TLR10: variants seen among roughly 807,000 people sequenced by gnomAD.
TLR10 encodes the protein toll-like receptor 10.
For missense variants in TLR10, 929 were observed against 932.9 expected, an observed-to-expected ratio of 1.00 and a Z score of 0.05; for synonymous variants, 288 against 338.8, an observed-to-expected ratio of 0.85 and a Z score of 1.65.
At chr4:38,776,883 G>C (rs992999426) in intron 1 of TLR10, among the ~76,000 whole-genome samples, 26 of 152,174 alleles carry the variant, frequency 1.7e-4, no homozygotes, top group African/African-American at 6.0e-4. Flanking sequence ...AATCATGGTG[G>C]AAGGCGAATG....
chr4:38,781,525 G>A (rs1272345189), intron 1 of TLR10, among the ~76,000 whole-genome samples: 2 of 151,964 alleles, frequency 1.3e-5, no homozygotes, highest in Non-Finnish European at 2.9e-5. Flanking sequence ...AGTAGAGATG[G>A]GGTTTCACCA....
chr4:38,778,368 A>T lies in TLR10; in HGVS notation c.-568-1942T>A, dbSNP rs11466624. ...GATGGGTGCAGCAAACCACCATGGC[A>T]TGTGTATACCTATGTAACAAACATG... On this transcript the variant is annotated intron_variant, in intron 1 of 3. Coordinates refer to ENST00000308973, the MANE Select transcript of TLR10 (RefSeq NM_030956.4). Among the ~76,000 whole-genome samples the T allele has an allele frequency of 3.8e-3, 575 of 152,278 alleles. 4 individuals are homozygous for T. Among genetic ancestry groups the T allele is most frequent in the African/African-American group, 0.013 (530 of 41,548 alleles).
chr4:38,781,901 CA>C (rs1392665382), intron 1 of TLR10, among the ~76,000 whole-genome samples: 2 of 152,136 alleles, frequency 1.3e-5, no homozygotes, highest in African/African-American at 4.8e-5. Context: ...AATGACTCAA[CA>C]AAATGGCGGC....
At position 38,775,585 on chromosome 4, in the gene TLR10, T is replaced by C. The variant is rs967574571; in HGVS notation, c.6A>G (p.Arg2=). The change falls in exon 4 of 4, where the codon AGA becomes AGG. Residue 2 remains arginine (R), a synonymous_variant. Transcript: ENST00000308973. ...AAAATATGTAAATGTTTCTGATGAG[T>C]CTCATTGTATTTCCAAGGATTTTAC... M[R]LIRNIYIFCS... is the part of the protein sequence containing the mutation. The C allele has an allele frequency of 1.9e-6, 3 of 1,596,500 alleles. No individual in the cohort carries two copies. Among genetic ancestry groups the C allele is most frequent in the Middle Eastern group, 1.7e-4 (1 of 6,014 alleles).
Position 38,776,357 on chromosome 4 carries a change from G to C in TLR10, c.-499C>G, listed in dbSNP as rs1000032708. 7.1e-5 allele frequency: 14 copies of C among 198,016 alleles called. No homozygotes were observed. The highest frequency in any genetic ancestry group is 3.3e-4 in the African/African-American group (14 of 42,300). The allele number at this position is 198,016 out of a possible 1,614,324, so 12.3% of individuals were successfully genotyped here. ...AATACCAAGCCACAATCTTCAGTCT[G>C]TTGTTAGACAACTATAAATGTCTTA... is the stretch of plus-strand genomic sequence containing the variant. On this transcript the variant is annotated 5_prime_UTR_variant, in exon 2 of 4. Transcript: ENST00000308973.
Position 38,773,094 on chromosome 4 carries a change from T to C in TLR10, c.*61A>G. On this transcript the variant is annotated 3_prime_UTR_variant, in exon 4 of 4. Transcript: ENST00000308973. ...TATTGTCAAATTGCCATCATAAAGG[T>C]TGTATCAATGTACATCCCAACAGTG... is the stretch of plus-strand genomic sequence containing the variant. 1 of 1,371,596 alleles carries C rather than the reference T, an allele frequency of 7.3e-7. No individual in the cohort carries two copies. Among genetic ancestry groups the C allele is most frequent in the Non-Finnish European group, 9.5e-7 (1 of 1,047,528 alleles). The allele number at this position is 1,371,596 out of a possible 1,614,324, so 85.0% of individuals were successfully genotyped here.
intron 1 of TLR10, among the ~76,000 whole-genome samples, chr4:38,780,050 T>G (rs1235717921): frequency 1.3e-5 from 2 of 152,240 alleles, no homozygotes; most frequent in Non-Finnish European, 2.9e-5. Flanking sequence ...AAATATGTGT[T>G]GAATGAATGA....
intron 1 of TLR10, among the ~76,000 whole-genome samples, chr4:38,778,137 A>G (rs1169834111): frequency 6.6e-6 from 1 of 152,238 alleles, no homozygotes; most frequent in African/African-American, 2.4e-5. Context: ...GAATGTGTTC[A>G]TGTCCTTTGC....
In TLR10 at chr4:38,774,174, T is replaced by C; in HGVS notation, c.1417A>G (p.Ile473Val). 1 of 1,611,410 alleles carries C rather than the reference T, an allele frequency of 6.2e-7. No homozygotes were observed. Among genetic ancestry groups the C allele is most frequent in the South Asian group, 1.1e-5 (1 of 90,590 alleles). Reference sequence around the variant, plus strand: ...AGATCAGTTAGAAAATTAAATGCAATATTTAGTTCTCGTAAGGCCATCAGA... The same window carrying C: ...AGATCAGTTAGAAAATTAAATGCAACATTTAGTTCTCGTAAGGCCATCAGA... ...IHLMALRELNIAFNFLTDLPG... is the reference protein window; with the variant it reads ...IHLMALRELNVAFNFLTDLPG... The change falls in exon 4 of 4, where the codon ATT becomes GTT. Residue 473 changes from isoleucine to valine, a missense_variant. Transcript: ENST00000308973.
intron 1 of TLR10, among the ~76,000 whole-genome samples, chr4:38,777,486 T>C (rs1725126914): frequency 6.6e-6 from 1 of 152,140 alleles, no homozygotes; most frequent in African/African-American, 2.4e-5. Context: ...GGTTCTGACA[T>C]ACATTTTAAA....
rs1481464024 is a variant in TLR10 at position 38,772,959 on chromosome 4, C to G, written c.*196G>C. 8.8e-6 allele frequency: 4 copies of G among 453,326 alleles called. No individual in the cohort carries two copies. Among genetic ancestry groups the G allele is most frequent in the Non-Finnish European group, 1.4e-5 (4 of 280,822 alleles). The allele number at this position is 453,326 out of a possible 1,614,324, so 28.1% of individuals were successfully genotyped here. A position where few individuals can be genotyped will look rare whatever the true frequency, so the allele number is the denominator to read the frequency against. ...TTATAAACAATCCTGGGATGAACAC[C>G]TTTTTCCATAAGCCCTTATAAACTT... is the stretch of plus-strand genomic sequence containing the variant. On this transcript the variant is annotated 3_prime_UTR_variant, in exon 4 of 4. Transcript: ENST00000308973.
In TLR10 at chr4:38,773,848, G is replaced by A. The variant is rs1231918888; in HGVS notation, c.1743C>T (p.Val581=). The A allele has an allele frequency of 6.3e-7, 1 of 1,587,606 alleles. No homozygotes were observed. The highest frequency in any genetic ancestry group is 8.6e-7 in the Non-Finnish European group (1 of 1,168,748). The change falls in exon 4 of 4, where the codon GTC becomes GTT. Residue 581 remains valine, a synonymous_variant. Transcript: ENST00000308973. The part of the protein sequence containing the change: ...ELSCNTALLI[V]TIVVIMLVLG... ...GAACTAGCATAATAACCACAATGGTGACAATCAACAGAGCTGTGTTGCAAG... is the reference window on the plus strand; with the variant it reads ...GAACTAGCATAATAACCACAATGGTAACAATCAACAGAGCTGTGTTGCAAG...
chr4:38,773,723 G>A lies in TLR10; in HGVS notation c.1868C>T (p.Thr623Ile). 4 of 1,613,892 alleles carry A rather than the reference G, an allele frequency of 2.5e-6. No individual in the cohort carries two copies. Among genetic ancestry groups the A allele is most frequent in the Non-Finnish European group, 3.4e-6 (4 of 1,179,932 alleles). The part of the protein sequence containing the change: ...CTQTWHRVRK[T>I]TQEQLKRNVR... ...ATTTCTCTTGAGTTGTTCTTGGGTT[G>A]TTTTCCTAACCCTGTGCCATGTTTG... The change falls in exon 4 of 4, where the codon ACA becomes ATA. Residue 623 changes from threonine (T) to isoleucine (I), a missense_variant. Thr to Ile is a moderately conservative substitution (Grantham distance 89). Transcript: ENST00000308973.
Position 38,773,993 on chromosome 4 carries a change from A to C in TLR10, c.1598T>G (p.Phe533Cys). The C allele has an allele frequency of 6.3e-7, 1 of 1,593,828 alleles. No individual in the cohort carries two copies. Among genetic ancestry groups the C allele is most frequent in the Non-Finnish European group, 8.6e-7 (1 of 1,169,148 alleles). The change falls in exon 4 of 4, where the codon TTC becomes TGC. Residue 533 changes from phenylalanine (F) to cysteine (C), a missense_variant. Transcript: ENST00000308973. ...PFRCTCELKN[F>C]IQLETYSEVM... is the part of the protein sequence containing the mutation. ...CTCTGAATATGTTTCAAGCTGAATG[A>C]AATTTTTTAATTCACAGGTACACCG...
Position 38,774,586 on chromosome 4 carries a change from A to T in TLR10, c.1005T>A (p.Asn335Lys). ...GGAAAAGCATGTGTGGCATTTGTGC[A>T]TTTGATATTGTCAGGTTTTCTATGT... Reference protein sequence around the residue: ...KMDIENLTISNAQMPHMLFPN... With the variant: ...KMDIENLTISKAQMPHMLFPN... The change falls in exon 4 of 4, where the codon AAT becomes AAA. Residue 335 changes from asparagine to lysine, a missense_variant. Coordinates refer to ENST00000308973, the MANE Select transcript of TLR10 (RefSeq NM_030956.4). The T allele has an allele frequency of 6.3e-7, 1 of 1,595,488 alleles. No individual in the cohort carries two copies. The highest frequency in any genetic ancestry group is 8.5e-7 in the Non-Finnish European group (1 of 1,174,196).
intron 1 of TLR10, among the ~76,000 whole-genome samples, chr4:38,777,571 C>G (rs1192945295): frequency 6.6e-6 from 1 of 151,948 alleles, no homozygotes; most frequent in African/African-American, 2.4e-5. Context: ...AGGGCTAATA[C>G]CCAGAATCTA....
rs1212149023 is a variant in TLR10 at position 38,773,296 on chromosome 4, C to T, written c.2295G>A (p.Gly765=). The T allele has an allele frequency of 6.8e-6, 11 of 1,612,364 alleles. No homozygotes were observed. In the East Asian group the frequency reaches 2.2e-4, roughly 33 times the overall value. The change falls in exon 4 of 4, where the codon GGG becomes GGA. Residue 765 remains glycine, a synonymous_variant. Transcript: ENST00000308973. ...CAGCTCGAAGGTTTGCCCAGAAAAG[C>T]CCACATTTACGCCTATCCTTGGGCC... ...LEWPKDRRKC[G]LFWANLRAAI... is the part of the protein sequence containing the mutation.
chr4:38,775,036 C>A lies in TLR10; in HGVS notation c.555G>T (p.Leu185=). 1 of 1,612,106 alleles carries A rather than the reference C, an allele frequency of 6.2e-7. No homozygotes were observed. The highest frequency in any genetic ancestry group is 8.5e-7 in the Non-Finnish European group (1 of 1,179,378). The change falls in exon 4 of 4, where the codon CTG becomes CTT. Residue 185 remains leucine, a synonymous_variant. Coordinates refer to ENST00000308973, the MANE Select transcript of TLR10 (RefSeq NM_030956.4). The part of the protein sequence containing the change: ...RTLPHYEEGS[L]PILNTTKLHI... ...GCAGTTTTGTTGTGTTTAAGATGGG[C>A]AGGCTACCTTCTTCATAATGAGGAA...
At chr4:38,782,107 C>T (rs1725447939) in intron 1 of TLR10, among the ~76,000 whole-genome samples, 1 of 152,088 alleles carries the variant, frequency 6.6e-6, no homozygotes, top group Non-Finnish European at 1.5e-5. Context: ...TCCTAAGGAC[C>T]GAATCACTGA....
Sources: allele counts gnomAD v4.1 joint callset (sites outside exome capture counted in the v4.1 genomes callset), GRCh38; gene constraint gnomAD v4.1.1; transcripts MANE v1.5; gene names NCBI Gene and HGNC (gene_info 2026-07-23, HGNC 2026-07-21).